The following SLC36A1 variants were observed in gnomAD, a reference collection of about 807,000 sequenced individuals.
SLC36A1 encodes solute carrier family 36 member 1.
Under a neutral mutation model 47.5 loss-of-function variants are expected in SLC36A1, and 30 were observed. The observed-to-expected ratio is 0.63, with a 90% CI of 0.47 to 0.86. SLC36A1 has a LOEUF of 0.86. Ranked by LOEUF, SLC36A1 falls within the 40% of genes least tolerant of loss-of-function variation. SLC36A1 has a pLI of 0.00. For missense variants in SLC36A1, 517 were observed against 606.0 expected (o/e 0.85, Z 1.54); for synonymous variants, 255 against 249.7 (o/e 1.02, Z -0.20).
the SLC36A1 span, among the ~76,000 whole-genome samples, chr5:151,349,325 T>C: frequency 6.6e-6 from 1 of 152,144 alleles, no homozygotes; most frequent in East Asian, 1.9e-4. Flanking sequence ...AAAAAAAAGC[T>C]TGTAGGGTGG....
At chr5:151,545,350 G>C in the SLC36A1 span, 1 of 1,614,186 alleles carries the variant, frequency 6.2e-7, no homozygotes, top group Non-Finnish European at 8.5e-7. Context: ...ATTCAGCACA[G>C]ATATGCTACC....
chr5:151,426,135 G>A, the SLC36A1 span, among the ~76,000 whole-genome samples: 10 of 152,224 alleles, frequency 6.6e-5, no homozygotes, highest in Admixed American at 2.0e-4. Context: ...ACAACTGCAT[G>A]CTATTCTGTT....
At chr5:151,550,790 C>T in the SLC36A1 span, 3 of 1,614,026 alleles carry the variant, frequency 1.9e-6, no homozygotes, top group Non-Finnish European at 2.5e-6. Flanking sequence ...GGCACGGTGT[C>T]CTGGGGAACT....
At chr5:151,552,728 T>C in the SLC36A1 span, among the ~76,000 whole-genome samples, 8 of 152,258 alleles carry the variant, frequency 5.3e-5, no homozygotes, top group Admixed American at 2.0e-4. Flanking sequence ...AAGTGCCTCG[T>C]AGAATGAGAA....
chr5:151,383,115 C>T, the SLC36A1 span, among the ~76,000 whole-genome samples: 9 of 152,170 alleles, frequency 5.9e-5, no homozygotes, highest in African/African-American at 2.2e-4. Context: ...AAATCCTTGC[C>T]ACCCAAGTTG....
the SLC36A1 span, among the ~76,000 whole-genome samples, chr5:151,363,844 T>A: frequency 5.3e-4 from 81 of 152,092 alleles, no homozygotes; most frequent in African/African-American, 1.9e-3. Context: ...AAGAGATCAC[T>A]TTTACTGTAA....
the SLC36A1 span, among the ~76,000 whole-genome samples, chr5:151,375,554 G>A: frequency 6.6e-6 from 1 of 151,952 alleles, no homozygotes; most frequent in Non-Finnish European, 1.5e-5. Context: ...TTTTGGGGGA[G>A]GGGTTCCATA....
At position 151,450,183 on chromosome 5, in the gene SLC36A1, C is replaced by T. The variant is rs117202375; in HGVS notation, c.-6+2370C>T. Among the ~76,000 whole-genome samples the T allele has an allele frequency of 2.7e-3, 410 of 149,916 alleles. 10 individuals carry two copies. The East Asian group carries it at 0.065, about 24-fold the overall frequency. On this transcript the variant is annotated intron_variant, in intron 1 of 10. Transcript: ENST00000243389. ...ATGTAAAGTGGATGGAGCAGATGTC[C>T]GCTTACTAGCACGTAGAGTGGACGG...
chr5:151,395,685 G>T, the SLC36A1 span, among the ~76,000 whole-genome samples: 2 of 152,184 alleles, frequency 1.3e-5, no homozygotes, highest in African/African-American at 4.8e-5. Context: ...AGGATTCCTT[G>T]TACCTGGTAC....
chr5:151,553,495 C>T, the SLC36A1 span: 1 of 923,266 alleles, frequency 1.1e-6, no homozygotes, highest in East Asian at 2.6e-5. Context: ...AAGCAGGCCT[C>T]TCATCCAGTC....
At chr5:151,394,538 T>A in the SLC36A1 span, among the ~76,000 whole-genome samples, 1 of 152,246 alleles carries the variant, frequency 6.6e-6, no homozygotes, top group Non-Finnish European at 1.5e-5. Flanking sequence ...TGGTTTTATC[T>A]ACCTTTGGTC....
chr5:151,445,173 T>A (rs1455040794), upstream of SLC36A1, among the ~76,000 whole-genome samples: 1 of 151,916 alleles, frequency 6.6e-6, no homozygotes, highest in Non-Finnish European at 1.5e-5. Context: ...TATGTTGGGG[T>A]GGGGGTTAGG....
the SLC36A1 span, among the ~76,000 whole-genome samples, chr5:151,365,476 C>T: frequency 6.6e-6 from 1 of 152,188 alleles, no homozygotes. Flanking sequence ...CACCAATCAG[C>T]AGGGAAACCA....
the SLC36A1 span, among the ~76,000 whole-genome samples, chr5:151,396,021 G>T: frequency 2.0e-5 from 3 of 152,006 alleles, no homozygotes; most frequent in African/African-American, 7.3e-5. Context: ...TGTTGCCCAG[G>T]CTGGTCTCGT....
chr5:151,382,125 G>T, the SLC36A1 span: 1 of 878,190 alleles, frequency 1.1e-6, no homozygotes, highest in South Asian at 1.4e-5. Context: ...GACAGAGCAC[G>T]ACCCTTTCAA....
chr5:151,442,262 A>G (rs1752672222), intron 1 of SLC36A1, among the ~76,000 whole-genome samples: 1 of 152,324 alleles, frequency 6.6e-6, no homozygotes, highest in East Asian at 1.9e-4. Flanking sequence ...TGCCATCTCC[A>G]TCATTTCACA....
At chr5:151,462,631 G>A (rs1161060090) in intron 2 of SLC36A1, among the ~76,000 whole-genome samples, 1 of 151,586 alleles carries the variant, frequency 6.6e-6, no homozygotes, top group Admixed American at 6.6e-5. Context: ...CCAAAGTGCT[G>A]GGATTACAGG....
At chr5:151,482,496 C>T (rs1758931435) in intron 10 of SLC36A1, among the ~76,000 whole-genome samples, 1 of 152,138 alleles carries the variant, frequency 6.6e-6, no homozygotes, top group South Asian at 2.1e-4. Flanking sequence ...TCCAGTATTC[C>T]ACCAATTTAA....
At chr5:151,416,640 TTGTCAGGG>T in the SLC36A1 span, among the ~76,000 whole-genome samples, 25,346 of 151,898 alleles carry the variant, frequency 0.17, 2,328 homozygotes, top group East Asian at 0.38. Context: ...AACAGCTCTG[TTGTCAGGG>T]TGTCAGGGTG....
Sources: allele counts gnomAD v4.1 joint callset (sites outside exome capture counted in the v4.1 genomes callset), GRCh38; gene constraint gnomAD v4.1.1; transcripts MANE v1.5; gene names NCBI Gene and HGNC (gene_info 2026-07-23, HGNC 2026-07-21).